The following USP33 variants were observed in gnomAD, a reference collection of about 807,000 sequenced individuals.
USP33 encodes the protein ubiquitin specific peptidase 33.
Under a neutral mutation model 124.2 loss-of-function variants are expected in USP33, and 46 were observed. The observed-to-expected ratio is 0.37, with a 90% CI of 0.29 to 0.47. The LOEUF is 0.47. USP33 is among the 20% of genes least tolerant of loss of function. USP33 has a pLI of 0.99. For missense variants in USP33, 851 were observed against 1,070.6 expected (o/e 0.79, Z 2.86); for synonymous variants, 350 against 352.3 (o/e 0.99, Z 0.07).
intron 18 of USP33, among the ~76,000 whole-genome samples, chr1:77,715,382 T>C (rs1395377928): frequency 6.6e-6 from 1 of 152,172 alleles, no homozygotes; most frequent in Non-Finnish European, 1.5e-5. Context: ...AATTTTTGTA[T>C]TTTTAGTAGA....
At position 77,697,393 on chromosome 1, in the gene USP33, C is replaced by G; in HGVS notation, c.2660G>C (p.Arg887Pro). Residue 887 changes from arginine (R) to proline (P), a missense_variant, in exon 24 of 24, where the codon CGA becomes CCA. Physicochemically the swap from Arg to Pro is moderately radical, Grantham distance 103 (BLOSUM62 -2). Around this residue, in one of 4 missense-constraint regions of USP33, gnomAD observed 142 missense variants for 141.8 expected, o/e 1.00. Coordinates refer to ENST00000370794, the MANE Select transcript of USP33 (RefSeq NM_201624.3). The part of the protein sequence containing the change: ...IYGGGPEVIL[R>P]PPVVHVDPDI... Reference sequence around the variant, plus strand: ...TGGATCAACATGAACAACCGGAGGTCGCAGGATAACTTCAGGCCCTCCACC... The same window carrying G: ...TGGATCAACATGAACAACCGGAGGTGGCAGGATAACTTCAGGCCCTCCACC... 2 of 1,613,194 alleles carry G rather than the reference C, an allele frequency of 1.2e-6. No homozygotes were observed. Among genetic ancestry groups the G allele is most frequent in the Non-Finnish European group, 1.7e-6 (2 of 1,179,820 alleles).
At position 77,740,889 on chromosome 1, in the gene USP33, GGTGCT is replaced by G; in HGVS notation, c.181_185del (p.Ser61HisfsTer32). ...TTTATATACATACCTGAGAATGTATGGTGCTGTGATCTACTTGTGATTCACCACAG... is the reference window on the plus strand; with the variant it reads ...TTTATATACATACCTGAGAATGTATGGTGATCTACTTGTGATTCACCACAG... On this transcript the variant is annotated frameshift_variant, in exon 4 of 24. Transcript: ENST00000370794. LOFTEE classifies it high-confidence loss of function. 1 of 1,566,554 alleles carries G rather than the reference GGTGCT, an allele frequency of 6.4e-7. No individual in the cohort carries two copies. The highest frequency in any genetic ancestry group is 2.4e-5 in the East Asian group (1 of 42,500).
At chr1:77,741,329 A>C (rs1253349605) in intron 3 of USP33, 47 bp downstream of exon 3, 1 of 1,538,668 alleles carries the variant, frequency 6.5e-7, no homozygotes, top group Non-Finnish European at 8.7e-7. Flanking sequence ...TCAGATCCAA[A>C]TTTATTATTA....
chr1:77,743,469 G>A (rs1295050927), intron 1 of USP33, among the ~76,000 whole-genome samples: 1 of 152,076 alleles, frequency 6.6e-6, no homozygotes, highest in African/African-American at 2.4e-5. Context: ...AGGGTTAATA[G>A]TGCAAACATT....
At position 77,708,370 on chromosome 1, in the gene USP33, T is replaced by C. The variant is rs1206622974; in HGVS notation, c.2406+3377A>G. ...TTGAGGCATCCACAGATAGCATAAG[T>C]AGGGTTTTGCCACCACTTCTAAGCA... On this transcript the variant is annotated intron_variant, in intron 21 of 23. Coordinates refer to ENST00000370794, the MANE Select transcript of USP33 (RefSeq NM_201624.3). Among the ~76,000 whole-genome samples, 3 of 152,192 alleles carry C rather than the reference T, an allele frequency of 2.0e-5. 1 individual carries two copies. The highest frequency in any genetic ancestry group is 4.1e-4 in the South Asian group (2 of 4,828).
chr1:77,705,201 ATTTTT>A (rs1000619216), intron 21 of USP33, among the ~76,000 whole-genome samples: 1 of 143,324 alleles, frequency 7.0e-6, no homozygotes, highest in Non-Finnish European at 1.5e-5. Context: ...TTTATTTTTT[ATTTTT>A]TTTTTTGAGA....
intron 21 of USP33, among the ~76,000 whole-genome samples, chr1:77,708,473 G>A (rs921124665): frequency 9.2e-5 from 14 of 152,102 alleles, no homozygotes; most frequent in African/African-American, 2.2e-4. Context: ...TCTCCTGGGC[G>A]TCCTCTTGAA....
At chr1:77,699,389 C>T (rs1367800125) in intron 22 of USP33, among the ~76,000 whole-genome samples, 1 of 152,042 alleles carries the variant, frequency 6.6e-6, no homozygotes, top group Non-Finnish European at 1.5e-5. Flanking sequence ...GGCATGACAG[C>T]GGCACCTGTA....
At chr1:77,741,841 T>C in intron 1 of USP33, 93 bp from the exon 2 acceptor site, 4 of 1,121,412 alleles carry the variant, frequency 3.6e-6, no homozygotes, top group Non-Finnish European at 4.8e-6. Context: ...TGTTAACATA[T>C]TAAAAATGAT....
chr1:77,735,112 G>A (rs368821639), intron 6 of USP33, among the ~76,000 whole-genome samples: 9 of 141,446 alleles, frequency 6.4e-5, no homozygotes, highest in African/African-American at 2.3e-4. Context: ...AACAGAGCGA[G>A]ACTCCATCTC....
At chr1:77,729,176 G>C (rs928995681) in intron 9 of USP33, among the ~76,000 whole-genome samples, 3 of 152,098 alleles carry the variant, frequency 2.0e-5, no homozygotes, top group Non-Finnish European at 4.4e-5. Context: ...GAAGTGCTGG[G>C]ATTACAGGCA....
intron 4 of USP33, among the ~76,000 whole-genome samples, chr1:77,740,094 T>C (rs970202770): frequency 1.3e-5 from 2 of 152,170 alleles, no homozygotes; most frequent in African/African-American, 4.8e-5. Context: ...ACAAAGTCAT[T>C]CGAGAAACTT....
chr1:77,728,126 CA>C (rs56970060), intron 10 of USP33, among the ~76,000 whole-genome samples, 168 bp downstream of exon 10: 1 of 152,160 alleles, frequency 6.6e-6, no homozygotes, highest in East Asian at 1.9e-4. Context: ...TTAAATGACC[CA>C]AAAAATTCCT....
intron 21 of USP33, among the ~76,000 whole-genome samples, chr1:77,705,081 T>G (rs759896948): frequency 1.4e-5 from 2 of 145,560 alleles, no homozygotes; most frequent in Non-Finnish European, 3.0e-5. Context: ...TATTTTTATA[T>G]TCCAGTGTTA....
At chr1:77,716,075 A>G (rs1250821144) in intron 17 of USP33, among the ~76,000 whole-genome samples, 1 of 151,958 alleles carries the variant, frequency 6.6e-6, no homozygotes, top group East Asian at 1.9e-4. Context: ...TTTATTTTTT[A>G]ATAGACACAG....
rs927751056 is a variant in USP33, at chr1:77,720,516, T to A, written c.1691+656A>T. The A allele has an allele frequency of 5.1e-6, 5 of 985,348 alleles. No homozygotes were observed. The African/African-American group carries it at 8.7e-5, about 17-fold the overall frequency. 61.0% of individuals were successfully genotyped at this position (985,348 alleles called of 1,614,324 possible). On this transcript the variant is annotated intron_variant, in intron 15 of 23. Coordinates refer to ENST00000370794, the MANE Select transcript of USP33 (RefSeq NM_201624.3). ...TGTCATGATCAGTTGCAGATCAATG[T>A]TTCCTTTAGGTTACTGCCAAGAACT... is the stretch of plus-strand genomic sequence containing the variant.
intron 22 of USP33, among the ~76,000 whole-genome samples, chr1:77,701,134 A>C (rs2101165097): frequency 6.6e-6 from 1 of 152,332 alleles, no homozygotes; most frequent in Non-Finnish European, 1.5e-5. Flanking sequence ...TTTCAACATT[A>C]AGATCACAGA....
chr1:77,728,161 T>C, intron 10 of USP33, 134 bp downstream of exon 10: 2 of 943,448 alleles, frequency 2.1e-6, no homozygotes, highest in South Asian at 5.1e-5. Flanking sequence ...TCTATAATTT[T>C]ATGACTAATA....
chr1:77,735,445 T>C (rs760719154), intron 6 of USP33, among the ~76,000 whole-genome samples: 2 of 152,332 alleles, frequency 1.3e-5, no homozygotes, highest in East Asian at 3.9e-4. Flanking sequence ...TAGTGTGAGC[T>C]AAATTAATGG....
Sources: allele counts gnomAD v4.1 joint callset (sites outside exome capture counted in the v4.1 genomes callset), GRCh38; gene constraint gnomAD v4.1.1; regional missense constraint gnomAD v4.1.1; transcripts MANE v1.5; gene names NCBI Gene and HGNC (gene_info 2026-07-23, HGNC 2026-07-21).